SYNPO2: variants seen among roughly 807,000 people sequenced by gnomAD.
SYNPO2 encodes synaptopodin 2, also known as synaptopodin-2.
SYNPO2 carries 56 observed loss-of-function variants against 85.0 expected under a neutral mutation model. That is an observed-to-expected ratio of 0.66 (90% CI 0.53 to 0.82). The LOEUF is 0.82. Among genes scored for constraint, SYNPO2 ranks in the 40% least tolerant of loss-of-function variants. The pLI is 0.00. For missense variants in SYNPO2, 1,575 were observed against 1,534.2 expected (o/e 1.03, Z -0.44); for synonymous variants, 602 against 591.1 (o/e 1.02, Z -0.27).
rs10032717 is a variant in SYNPO2 at position 119,060,029 on chromosome 4, T to G, written c.*2095T>G. 800 of 152,296 alleles carry G rather than the reference T, an allele frequency of 5.3e-3. 8 individuals are homozygous for G. The highest frequency in any genetic ancestry group is 0.018 in the African/African-American group (748 of 41,572). 9.4% of individuals were successfully genotyped at this position (152,296 alleles called of 1,614,324 possible). On this transcript the variant is annotated 3_prime_UTR_variant, in exon 5 of 5. Coordinates refer to ENST00000307142, the MANE Select transcript of SYNPO2 (RefSeq NM_133477.3). Reference sequence around the variant, plus strand: ...TTATAGTGGTTTAATCATTTTAGATTTGAATGTTTTAAGATAGGAGAGACT... The same window carrying G: ...TTATAGTGGTTTAATCATTTTAGATGTGAATGTTTTAAGATAGGAGAGACT...
chr4:118,861,876 G>C (rs2110566008), intron 1 of SYNPO2, among the ~76,000 whole-genome samples: 1 of 151,962 alleles, frequency 6.6e-6, no homozygotes, highest in African/African-American at 2.4e-5. Flanking sequence ...TATTTCTGTG[G>C]AAAATGTTAT....
intron 1 of SYNPO2, 144 bp from the exon 2 acceptor site, chr4:119,023,286 A>T (rs1737810825): frequency 2.8e-6 from 2 of 713,760 alleles, no homozygotes; most frequent in Non-Finnish European, 4.5e-6. Context: ...GGTGGTAAGA[A>T]GTATTTAAAT....
intron 1 of SYNPO2, among the ~76,000 whole-genome samples, chr4:118,891,261 T>G (rs1215997302): frequency 6.6e-6 from 1 of 152,218 alleles, no homozygotes; most frequent in Admixed American, 6.5e-5. Flanking sequence ...TAGTTTGTGA[T>G]ACTATACTTA....
intron 1 of SYNPO2, among the ~76,000 whole-genome samples, chr4:118,998,389 C>T (rs1044789021): frequency 3.9e-5 from 6 of 152,050 alleles, no homozygotes; most frequent in African/African-American, 1.2e-4. Context: ...CATGTAATAT[C>T]GTGTGTATTT....
intron 1 of SYNPO2, among the ~76,000 whole-genome samples, chr4:118,997,239 C>CAAA (rs1434428754): frequency 4.1e-4 from 27 of 65,220 alleles, no homozygotes; most frequent in Middle Eastern, 9.4e-3. Context: ...GACTCCGTCT[C>CAAA]AAAAAAAAAA....
intron 1 of SYNPO2, among the ~76,000 whole-genome samples, chr4:118,915,925 A>G (rs1022610780): frequency 4.0e-5 from 6 of 151,682 alleles, no homozygotes; most frequent in South Asian, 2.1e-4. Context: ...CTTGATTTCT[A>G]TTTTCATGAC....
At chr4:118,977,258 G>C (rs909917566) in intron 1 of SYNPO2, among the ~76,000 whole-genome samples, 5 of 152,220 alleles carry the variant, frequency 3.3e-5, no homozygotes, top group African/African-American at 1.2e-4. Flanking sequence ...GCACTGCTGG[G>C]GGACTCAGTA....
intron 4 of SYNPO2, among the ~76,000 whole-genome samples, chr4:119,047,068 AT>A (rs11321156): frequency 0.33 from 49,419 of 150,266 alleles, 8,141 homozygotes; most frequent in African/African-American, 0.39. Flanking sequence ...TTGTTTATTT[AT>A]TTTTTTTTTA....
chr4:118,890,324 T>C (rs546989065), intron 1 of SYNPO2, among the ~76,000 whole-genome samples: 2 of 152,296 alleles, frequency 1.3e-5, no homozygotes, highest in South Asian at 4.1e-4. Context: ...AAACAGTAGA[T>C]GAAAAGCAGA....
Position 119,030,021 on chromosome 4 carries a change from G to A in SYNPO2, c.1246G>A (p.Glu416Lys), listed in dbSNP as rs1738149177. ...CACCCTAGTTAGCTACGGTACTGGC[G>A]AGCTTGAGCGAGAGGCGGACGAGGA... is the stretch of plus-strand genomic sequence containing the variant. ...KYTLVSYGTGELEREADEEEE... is the reference protein window; with the variant it reads ...KYTLVSYGTGKLEREADEEEE... Residue 416 changes from glutamate to lysine, a missense_variant, in exon 4 of 5, where the codon GAG (glutamate) becomes AAG (lysine). Around this residue, in one of 3 missense-constraint regions of SYNPO2, gnomAD observed 1,508 missense variants for 1,446.8 expected, o/e 1.04. Coordinates refer to ENST00000307142, the MANE Select transcript of SYNPO2 (RefSeq NM_133477.3). 2.5e-6 allele frequency: 4 copies of A among 1,614,072 alleles called. No individual in the cohort carries two copies. Among genetic ancestry groups the A allele is most frequent in the Non-Finnish European group, 3.4e-6 (4 of 1,180,006 alleles).
At chr4:118,990,924 G>T (rs1021328100) in intron 1 of SYNPO2, among the ~76,000 whole-genome samples, 1 of 151,786 alleles carries the variant, frequency 6.6e-6, no homozygotes, top group Admixed American at 6.6e-5. Flanking sequence ...CTGGATAATT[G>T]TAACCCTCAA....
chr4:118,992,746 C>G (rs1363840774), intron 1 of SYNPO2, among the ~76,000 whole-genome samples: 1 of 152,130 alleles, frequency 6.6e-6, no homozygotes, highest in Non-Finnish European at 1.5e-5. Flanking sequence ...TTATTTGCAC[C>G]TGGACTTGCT....
chr4:119,035,988 G>T (rs898670650), intron 4 of SYNPO2: 15 of 985,284 alleles, frequency 1.5e-5, no homozygotes, highest in Non-Finnish European at 1.8e-5. Context: ...CCTCCTAAGA[G>T]CAGAAGACAC....
At chr4:118,938,318 T>A (rs1329418956) in intron 1 of SYNPO2, among the ~76,000 whole-genome samples, 1 of 152,164 alleles carries the variant, frequency 6.6e-6, no homozygotes, top group Non-Finnish European at 1.5e-5. Context: ...AGATTCCATC[T>A]CAATTTAAAG....
In SYNPO2 at chr4:118,987,500, A is replaced by C. The variant is rs572525145; in HGVS notation, c.106-35930A>C. Among the ~76,000 whole-genome samples the C allele has an allele frequency of 3.3e-5, 5 of 152,264 alleles. No individual in the cohort carries two copies. In the South Asian group the frequency reaches 1.0e-3, roughly 32 times the overall value. ...GCATGGGCAACACAGGCTGATCGAC[A>C]AAAAATAAAACAAAGTTCCCTGGGT... is the stretch of plus-strand genomic sequence containing the variant. On this transcript the variant is annotated intron_variant, in intron 1 of 4. Transcript: ENST00000307142.
chr4:118,900,741 G>GTCTA (rs200026031), intron 1 of SYNPO2, among the ~76,000 whole-genome samples: 9,245 of 84,666 alleles, frequency 0.11, 848 homozygotes, highest in Admixed American at 0.17. Flanking sequence ...ATGTCTGTCT[G>GTCTA]TCTATCTATC....
chr4:118,991,075 T>G (rs1443038932), intron 1 of SYNPO2, among the ~76,000 whole-genome samples: 4 of 152,226 alleles, frequency 2.6e-5, no homozygotes, highest in Non-Finnish European at 5.9e-5. Context: ...GTTCCAGGAC[T>G]TTAAATTCAA....
At chr4:118,860,203 T>C (rs938847238) in intron 1 of SYNPO2, among the ~76,000 whole-genome samples, 1 of 152,216 alleles carries the variant, frequency 6.6e-6, no homozygotes, top group African/African-American at 2.4e-5. Flanking sequence ...ATGTCTTCTT[T>C]TGAGAAATGT....
Position 118,888,912 on chromosome 4 carries a change from G to A in SYNPO2, c.-125G>A. 2.2e-6 allele frequency: 2 copies of A among 920,014 alleles called. No homozygotes were observed. The highest frequency in any genetic ancestry group is 1.7e-6 in the Non-Finnish European group (1 of 590,140). 57.0% of individuals were successfully genotyped at this position (920,014 alleles called of 1,614,324 possible). A position where few individuals can be genotyped will look rare whatever the true frequency, so the allele number is the denominator to read the frequency against. On this transcript the variant is annotated 5_prime_UTR_variant, in exon 1 of 5. Coordinates refer to ENST00000307142, the MANE Select transcript of SYNPO2 (RefSeq NM_133477.3). ...CTGGGGCAGCGGCTGCAGCAGCGGC[G>A]GACGCTCTGCATTACCCAGTCTTGC... is the stretch of plus-strand genomic sequence containing the variant.
Sources: allele counts gnomAD v4.1 joint callset (sites outside exome capture counted in the v4.1 genomes callset), GRCh38; gene constraint gnomAD v4.1.1; regional missense constraint gnomAD v4.1.1; transcripts MANE v1.5; gene names NCBI Gene and HGNC (gene_info 2026-07-23, HGNC 2026-07-21).